PCDH9: variants seen among roughly 807,000 people sequenced by gnomAD.
The protein encoded by PCDH9 is protocadherin-9.
A neutral mutation model predicts 70.6 loss-of-function variants in PCDH9; 24 were observed. The ratio of observed to expected loss-of-function variants is 0.34; its 90% CI spans 0.25 to 0.48. The LOEUF is 0.48. Among genes scored for constraint, PCDH9 ranks in the 20% least tolerant of loss-of-function variants. PCDH9 has a pLI of 0.99. For synonymous variants in PCDH9, 562 were observed against 558.5 expected (o/e 1.01, Z -0.09); for missense variants, 1,281 against 1,503.6 (o/e 0.85, Z 2.45).
chr13:66,794,901 C>T (rs556109866), intron 3 of PCDH9, among the ~76,000 whole-genome samples: 5 of 151,154 alleles, frequency 3.3e-5, no homozygotes, highest in Admixed American at 2.7e-4. Flanking sequence ...GTGAATGAAT[C>T]CTAATTAGAT....
At chr13:66,700,068 T>C (rs1054435794) in intron 3 of PCDH9, among the ~76,000 whole-genome samples, 4 of 152,226 alleles carry the variant, frequency 2.6e-5, no homozygotes, top group African/African-American at 9.6e-5. Context: ...CATCTGTCCC[T>C]GTTCCAGTGT....
chr13:66,432,430 T>G (rs1175690008), intron 4 of PCDH9, among the ~76,000 whole-genome samples: 1 of 152,034 alleles, frequency 6.6e-6, no homozygotes, highest in East Asian at 1.9e-4. Context: ...ATCATAACTA[T>G]GACAACATGC....
intron 4 of PCDH9, among the ~76,000 whole-genome samples, chr13:66,447,510 A>C (rs1191392707): frequency 5.3e-5 from 8 of 152,130 alleles, no homozygotes; most frequent in African/African-American, 1.9e-4. Flanking sequence ...TGCAAATAAA[A>C]AAATTAATTT....
intron 4 of PCDH9, among the ~76,000 whole-genome samples, chr13:66,559,823 T>TAC (rs1961923732): frequency 3.2e-5 from 3 of 93,092 alleles, no homozygotes; most frequent in African/African-American, 1.3e-4. Context: ...AAAAAATATA[T>TAC]ATATATATAT....
chr13:66,438,289 A>G (rs1330368045), intron 4 of PCDH9, among the ~76,000 whole-genome samples: 2 of 152,048 alleles, frequency 1.3e-5, no homozygotes, highest in East Asian at 1.9e-4. Flanking sequence ...CTATTATAAT[A>G]TTACAATGGA....
chr13:66,663,023 A>G (rs918077349), intron 3 of PCDH9, among the ~76,000 whole-genome samples: 1 of 152,194 alleles, frequency 6.6e-6, no homozygotes, highest in African/African-American at 2.4e-5. Context: ...CAATTGTTTT[A>G]CTTCTTTTTC....
intron 2 of PCDH9, among the ~76,000 whole-genome samples, chr13:66,957,447 G>A (rs943942906): frequency 1.3e-5 from 2 of 152,152 alleles, no homozygotes; most frequent in Admixed American, 1.3e-4. Context: ...ATGCATTGGT[G>A]GGATGTCATG....
intron 4 of PCDH9, among the ~76,000 whole-genome samples, chr13:66,428,961 A>T (rs376909680): frequency 2.0e-5 from 3 of 151,974 alleles, no homozygotes; most frequent in East Asian, 3.9e-4. Flanking sequence ...CCATATTTTT[A>T]TGGTGTGTAA....
At chr13:66,474,292 TC>T (rs1958677070) in intron 4 of PCDH9, among the ~76,000 whole-genome samples, 1 of 152,130 alleles carries the variant, frequency 6.6e-6, no homozygotes, top group African/African-American at 2.4e-5. Flanking sequence ...AGCTCTTATT[TC>T]TCTGGGTTTA....
chr13:66,511,781 T>C (rs1425298351), intron 4 of PCDH9, among the ~76,000 whole-genome samples: 3 of 152,158 alleles, frequency 2.0e-5, no homozygotes, highest in Non-Finnish European at 2.9e-5. Flanking sequence ...GCTTTTCCCA[T>C]GTGATATACC....
intron 2 of PCDH9, among the ~76,000 whole-genome samples, chr13:67,058,256 G>A (rs1483609075): frequency 2.0e-5 from 3 of 152,064 alleles, no homozygotes; most frequent in Non-Finnish European, 4.4e-5. Flanking sequence ...ACACACACGT[G>A]CGAACATACA....
rs1489636489 is a variant in PCDH9, at chr13:67,229,849, A to C, written c.-205T>G. ...GGAATGATTTGTTCCAACACATAGA[A>C]AGCCATGCATCTGGTAGCACCAGTT... On this transcript the variant is annotated 5_prime_UTR_variant, in exon 1 of 5. Transcript: ENST00000377865. 1 of 152,240 alleles carries C rather than the reference A, an allele frequency of 6.6e-6. No individual in the cohort carries two copies. Among genetic ancestry groups the C allele is most frequent in the African/African-American group, 2.4e-5 (1 of 41,454 alleles). The allele number at this position is 152,240 out of a possible 1,614,324, so 9.4% of individuals were successfully genotyped here.
At chr13:66,398,602 G>A (rs1357496348) in intron 4 of PCDH9, among the ~76,000 whole-genome samples, 1 of 151,952 alleles carries the variant, frequency 6.6e-6, no homozygotes, top group African/African-American at 2.4e-5. Context: ...ATTGACTTCT[G>A]GAATTAACAC....
intron 2 of PCDH9, among the ~76,000 whole-genome samples, chr13:66,958,648 G>A (rs766635822): frequency 3.0e-4 from 45 of 152,026 alleles, no homozygotes; most frequent in Non-Finnish European, 5.3e-4. Flanking sequence ...TCTATTCATT[G>A]ATGTAATTTT....
chr13:66,743,375 G>A (rs1337193991), intron 3 of PCDH9, among the ~76,000 whole-genome samples: 1 of 140,454 alleles, frequency 7.1e-6, no homozygotes, highest in Non-Finnish European at 1.5e-5. Flanking sequence ...GGATAGCATT[G>A]GGAGATACAC....
intron 2 of PCDH9, among the ~76,000 whole-genome samples, chr13:67,149,648 A>T (rs1456140893): frequency 6.6e-6 from 1 of 152,174 alleles, no homozygotes; most frequent in Non-Finnish European, 1.5e-5. Context: ...TCCTAAGATC[A>T]CAAAGGAATT....
chr13:66,427,837 T>C (rs1394463764), intron 4 of PCDH9, among the ~76,000 whole-genome samples: 2 of 151,704 alleles, frequency 1.3e-5, no homozygotes, highest in East Asian at 1.9e-4. Context: ...CAGTAAAGTG[T>C]TCGGTTAGTC....
chr13:66,910,248 T>A (rs1178267553), intron 2 of PCDH9, among the ~76,000 whole-genome samples: 1 of 152,224 alleles, frequency 6.6e-6, no homozygotes. Context: ...AGTGAGAAAC[T>A]GACTGTTGCA....
At chr13:66,312,602 T>G (rs1302450489) in intron 4 of PCDH9, among the ~76,000 whole-genome samples, 2 of 112,702 alleles carry the variant, frequency 1.8e-5, no homozygotes, top group African/African-American at 7.0e-5. Flanking sequence ...TAGAGCGAGA[T>G]CCTGCCTCAA....
Sources: allele counts gnomAD v4.1 joint callset (sites outside exome capture counted in the v4.1 genomes callset), GRCh38; gene constraint gnomAD v4.1.1; transcripts MANE v1.5; gene names NCBI Gene and HGNC (gene_info 2026-07-23, HGNC 2026-07-21).